MED13: variants seen among roughly 807,000 people sequenced by gnomAD.
MED13 encodes the protein mediator complex subunit 13, also known as mediator of RNA polymerase II transcription subunit 13.
Under a neutral mutation model 225.2 loss-of-function variants are expected in MED13, and 23 were observed. The ratio of observed to expected loss-of-function variants is 0.10; its 90% confidence interval spans 0.07 to 0.14. The LOEUF (loss-of-function observed/expected upper bound fraction) is 0.14, where lower values mean the gene tolerates loss of function less well. Among genes scored for constraint, MED13 ranks in the 10% least tolerant of loss-of-function variants. The pLI is 1.00. For synonymous variants in MED13, 942 were observed against 889.2 expected (o/e 1.06, Z -1.06); for missense variants, 2,197 against 2,594.5 (o/e 0.85, Z 3.33).
At chr17:62,045,863 C>T (rs529538816) in intron 3 of MED13, among the ~76,000 whole-genome samples, 32 of 152,272 alleles carry the variant, frequency 2.1e-4, no homozygotes, top group Non-Finnish European at 1.2e-4. Context: ...ATTCTATTTC[C>T]TCTCTTTCAG....
At chr17:61,950,693 T>C in intron 28 of MED13, 132 bp downstream of exon 28, 2 of 899,108 alleles carry the variant, frequency 2.2e-6, no homozygotes, top group Non-Finnish European at 3.3e-6. Context: ...TGATCTTGTT[T>C]AAAGAGTCAC....
At chr17:62,020,685 C>CTTTTTT (rs78598460) in intron 8 of MED13, among the ~76,000 whole-genome samples, 10 of 100,760 alleles carry the variant, frequency 9.9e-5, no homozygotes, top group East Asian at 2.8e-4. Flanking sequence ...GGCCTGCTTT[C>CTTTTTT]TTTTTTTTTT....
intron 3 of MED13, among the ~76,000 whole-genome samples, chr17:62,037,557 C>G (rs2080814598): frequency 6.6e-6 from 1 of 150,964 alleles, no homozygotes; most frequent in Non-Finnish European, 1.5e-5. Flanking sequence ...ATCCCAGCTA[C>G]TCAGGAGGCT....
chr17:62,031,060 G>A (rs1174231495), intron 6 of MED13: 1 of 154,718 alleles, frequency 6.5e-6, no homozygotes, highest in African/African-American at 2.4e-5. Flanking sequence ...AATACAGAAA[G>A]CAAAATATCT....
chr17:62,012,868 C>A (rs929286751), intron 8 of MED13, among the ~76,000 whole-genome samples: 4 of 151,710 alleles, frequency 2.6e-5, no homozygotes, highest in African/African-American at 9.7e-5. Flanking sequence ...TCTTGGCTCA[C>A]GGCAACCTCC....
At chr17:62,023,630 G>A (rs893615983) in intron 8 of MED13, among the ~76,000 whole-genome samples, 4 of 152,168 alleles carry the variant, frequency 2.6e-5, no homozygotes, top group African/African-American at 9.7e-5. Flanking sequence ...GAAAGCAAAC[G>A]AGTCTAGGAA....
intron 3 of MED13, among the ~76,000 whole-genome samples, chr17:62,046,354 A>T (rs2080897873): frequency 6.6e-6 from 1 of 152,226 alleles, no homozygotes; most frequent in African/African-American, 2.4e-5. Flanking sequence ...AAAGTCAGTT[A>T]TTATACCACA....
intron 8 of MED13, among the ~76,000 whole-genome samples, chr17:62,022,443 A>G (rs549943153): frequency 1.3e-5 from 2 of 152,174 alleles, no homozygotes; most frequent in East Asian, 3.9e-4. Flanking sequence ...AAACTATGAT[A>G]CTTCCATTCA....
chr17:61,960,002 CAA>C (rs1407897592), intron 23 of MED13, among the ~76,000 whole-genome samples: 58 of 152,138 alleles, frequency 3.8e-4, no homozygotes, highest in African/African-American at 1.4e-3. Context: ...GCTGGGATTA[CAA>C]GCAGGAGCCA....
chr17:61,982,692 C>T lies in MED13; in HGVS notation c.3311G>A (p.Gly1104Asp), dbSNP rs757833689. 1.9e-6 allele frequency: 3 copies of T among 1,614,102 alleles called. No individual in the cohort carries two copies. Among genetic ancestry groups the T allele is most frequent in the Non-Finnish European group, 2.5e-6 (3 of 1,180,018 alleles). The stretch of plus-strand genomic sequence containing the variant: ...TGGAATGTAAACTCCAACATCGGCA[C>T]CCTTGATGTTCATGTTGCAAACACA... The part of the protein sequence containing the change: ...CICVCNMNIK[G>D]ADVGVYIPDP... The change falls in exon 16 of 30, where the codon GGT becomes GAT. Residue 1104 changes from glycine (G) to aspartate (D), a missense_variant. Gly to Asp is a moderately conservative substitution (Grantham distance 94). Around this residue, in one of 12 missense-constraint regions of MED13, gnomAD observed 99 missense variants for 158.5 expected, o/e 0.62. Coordinates refer to ENST00000397786, the MANE Select transcript of MED13 (RefSeq NM_005121.3).
At chr17:61,985,828 CTTAT>C (rs1031415870) in intron 12 of MED13, among the ~76,000 whole-genome samples, 85 of 152,288 alleles carry the variant, frequency 5.6e-4, no homozygotes, top group African/African-American at 2.0e-3. Context: ...TATCTAAATT[CTTAT>C]TTATACTTTC....
chr17:62,017,742 A>T (rs985858340), intron 8 of MED13, among the ~76,000 whole-genome samples: 22 of 152,364 alleles, frequency 1.4e-4, no homozygotes, highest in Admixed American at 4.6e-4. Context: ...GTATCACTTA[A>T]GAATGTCCTT....
In MED13 at chr17:61,946,301, A is replaced by C; in HGVS notation, c.*167T>G. 1.4e-6 allele frequency: 1 copy of C among 699,220 alleles called. No individual in the cohort carries two copies. Among genetic ancestry groups the C allele is most frequent in the East Asian group, 2.8e-5 (1 of 35,804 alleles). The allele number at this position is 699,220 out of a possible 1,614,324, so 43.3% of individuals were successfully genotyped here. A position where few individuals can be genotyped will look rare whatever the true frequency, so the allele number is the denominator to read the frequency against. On this transcript the variant is annotated 3_prime_UTR_variant, in exon 30 of 30. Coordinates refer to ENST00000397786, the MANE Select transcript of MED13 (RefSeq NM_005121.3). ...GAGTTCAATAGAGTCAATGAAAAAT[A>C]GCAGGGTTATAGCCCCTCCCCCCAA...
At chr17:62,063,941 A>T (rs556465648) in intron 1 of MED13, among the ~76,000 whole-genome samples, 1 of 152,346 alleles carries the variant, frequency 6.6e-6, no homozygotes, top group Admixed American at 6.5e-5. Flanking sequence ...AGAGATGCTG[A>T]TTAATGGACA....
In MED13 at chr17:61,943,464, T is replaced by C. The variant is rs1372056951; in HGVS notation, c.*3004A>G. The C allele has an allele frequency of 1.3e-5, 2 of 152,610 alleles. No homozygotes were observed. The highest frequency in any genetic ancestry group is 2.9e-5 in the Non-Finnish European group (2 of 68,008). 9.5% of individuals were successfully genotyped at this position (152,610 alleles called of 1,614,324 possible). ...AAAAAATTACCTCAGAAGGTAAATA[T>C]GAAGACGAAAGGAGAATATTTTAAT... On this transcript the variant is annotated 3_prime_UTR_variant, in exon 30 of 30. Transcript: ENST00000397786.
chr17:61,958,096 C>T (rs1027870560), intron 23 of MED13, among the ~76,000 whole-genome samples: 1 of 151,924 alleles, frequency 6.6e-6, no homozygotes, highest in African/African-American at 2.4e-5. Flanking sequence ...GATCTCCTGA[C>T]CTTGTGATCC....
chr17:62,005,292 T>C (rs2080435950), intron 9 of MED13: 1 of 152,134 alleles, frequency 6.6e-6, no homozygotes, highest in African/African-American at 2.4e-5. Context: ...TAATTAACAA[T>C]CCAGATTAAT....
At position 62,010,551 on chromosome 17, in the gene MED13, CTGTAACTGATGT is replaced by C. The variant is rs2080496734; in HGVS notation, c.1954_1965del (p.Thr652_Thr655del). The C allele has an allele frequency of 6.9e-7, 1 of 1,449,178 alleles. No homozygotes were observed. Among genetic ancestry groups the C allele is most frequent in the African/African-American group, 1.4e-5 (1 of 70,528 alleles). 89.8% of individuals were successfully genotyped at this position (1,449,178 alleles called of 1,614,324 possible). A position where few individuals can be genotyped will look rare whatever the true frequency, so the allele number is the denominator to read the frequency against. ...GTGACTATTAAAAAAAATACATACTCTGTAACTGATGTTACACTTTCCTGTCCAAAAGGTCCA... is the reference window on the plus strand; with the variant it reads ...GTGACTATTAAAAAAAATACATACTCTACACTTTCCTGTCCAAAAGGTCCA... On this transcript the variant is annotated inframe_deletion and splice_region_variant, in exon 9 of 30. Coordinates refer to ENST00000397786, the MANE Select transcript of MED13 (RefSeq NM_005121.3).
At chr17:62,059,815 T>G (rs1323982625) in intron 2 of MED13, among the ~76,000 whole-genome samples, 1 of 152,176 alleles carries the variant, frequency 6.6e-6, no homozygotes, top group Non-Finnish European at 1.5e-5. Flanking sequence ...CTGATTTAAG[T>G]AACAACATTC....
Sources: gnomAD v4.1 joint callset for allele counts (sites outside exome capture counted in the v4.1 genomes callset) on GRCh38, gnomAD v4.1.1 for gene constraint, gnomAD v4.1.1 regional missense constraint, MANE v1.5 for transcripts, NCBI Gene and HGNC (gene_info 2026-07-23, HGNC 2026-07-21) for gene names.